EXOC3: variants seen among roughly 807,000 people sequenced by gnomAD.
The protein encoded by EXOC3 is SEC6-like 1.
Under a neutral mutation model 73.7 loss-of-function variants are expected in EXOC3, and 21 were observed. That is an observed-to-expected ratio of 0.29 (90% CI 0.20 to 0.41). The LOEUF is 0.41. Among genes scored for constraint, EXOC3 ranks in the 10% least tolerant of loss-of-function variants. The pLI is 1.00. For synonymous variants in EXOC3, 410 were observed against 389.1 expected, an observed-to-expected ratio of 1.05 and a Z score of -0.63; for missense variants, 842 against 985.1, an observed-to-expected ratio of 0.85 and a Z score of 1.95.
intron 4 of EXOC3, among the ~76,000 whole-genome samples, chr5:456,290 AGTT>A (rs1159805156): frequency 6.6e-6 from 1 of 152,208 alleles, no homozygotes; most frequent in Non-Finnish European, 1.5e-5. Flanking sequence ...CTATGGAAAT[AGTT>A]GTTCTATATT....
Position 467,195 on chromosome 5 carries a change from C to G in EXOC3, c.*297C>G. On this transcript the variant is annotated 3_prime_UTR_variant, in exon 13 of 13. Coordinates refer to ENST00000512944, the MANE Select transcript of EXOC3 (RefSeq NM_007277.5). ...TGGGGCACAGAGGACGTGCACCTCC[C>G]TGCCCTCCTCCTCCCTGGGCCTTCA... is the stretch of plus-strand genomic sequence containing the variant. 1 of 373,490 alleles carries G rather than the reference C, an allele frequency of 2.7e-6. No homozygotes were observed. The highest frequency in any genetic ancestry group is 4.9e-6 in the Non-Finnish European group (1 of 206,174). The allele number at this position is 373,490 out of a possible 1,614,324, so 23.1% of individuals were successfully genotyped here.
chr5:447,502 C>G, intron 2 of EXOC3, 31 bp from the exon 3 acceptor site: 1 of 1,473,736 alleles, frequency 6.8e-7, no homozygotes. Flanking sequence ...CTATCATTGG[C>G]TCTGCTCACC....
chr5:458,155 C>G (rs1737877583), intron 6 of EXOC3, 130 bp downstream of exon 6: 1 of 928,854 alleles, frequency 1.1e-6, no homozygotes. Flanking sequence ...AGAGCCCTGC[C>G]TGGTGCATCT....
At chr5:464,518 CTTG>C (rs910224006) in intron 10 of EXOC3, 106 bp downstream of exon 10, 104 of 1,276,696 alleles carry the variant, frequency 8.1e-5, no homozygotes, top group African/African-American at 5.7e-4. Flanking sequence ...TGAACGTTCA[CTTG>C]TTGTCCTATC....
Position 457,526 on chromosome 5 carries a change from G to A in EXOC3, c.1165-374G>A, listed in dbSNP as rs566853127. 5.9e-4 allele frequency: 136 copies of A among 231,172 alleles called. 1 individual carries two copies. The highest frequency in any genetic ancestry group is 2.9e-3 in the African/African-American group (130 of 44,178). 14.3% of individuals were successfully genotyped at this position (231,172 alleles called of 1,614,324 possible). On this transcript the variant is annotated intron_variant, in intron 5 of 12. Coordinates refer to ENST00000512944, the MANE Select transcript of EXOC3 (RefSeq NM_007277.5). The stretch of plus-strand genomic sequence containing the variant: ...AAGGAGCGCTGTCTTCTCTTGGGAC[G>A]TGAGCTGCTGTGGTTGCTGAGTCTG...
intron 9 of EXOC3, 156 bp downstream of exon 9, chr5:462,463 C>G (rs1446423877): frequency 1.4e-6 from 1 of 738,782 alleles, no homozygotes; most frequent in Non-Finnish European, 2.3e-6. Context: ...AAAGCGCCTC[C>G]GTTTTCGGTG....
chr5:447,841 C>A, intron 3 of EXOC3, 89 bp downstream of exon 3: 1 of 930,142 alleles, frequency 1.1e-6, no homozygotes, highest in Non-Finnish European at 1.6e-6. Context: ...GCTTTGCAGC[C>A]CGCACTGTAG....
chr5:446,720 G>C (rs1018766600), intron 2 of EXOC3, among the ~76,000 whole-genome samples: 2 of 152,306 alleles, frequency 1.3e-5, no homozygotes, highest in African/African-American at 4.8e-5. Context: ...AGCCAGGCAT[G>C]ATGGTTGACG....
In EXOC3 at chr5:443,229, G is replaced by GGGCGGCGGGGGCGGCGGC. The variant is rs1553990996; in HGVS notation, c.-110_-109insGGGCGGCGGCGGCGGCGG. 3.6e-5 allele frequency: 5 copies of GGGCGGCGGGGGCGGCGGC among 138,814 alleles called. No individual in the cohort carries two copies. The highest frequency in any genetic ancestry group is 8.5e-5 in the Non-Finnish European group (5 of 59,068). The allele number at this position is 138,814 out of a possible 1,614,324, so 8.6% of individuals were successfully genotyped here. On this transcript the variant is annotated 5_prime_UTR_variant, in exon 1 of 13. Coordinates refer to ENST00000512944, the MANE Select transcript of EXOC3 (RefSeq NM_007277.5). Reference sequence around the variant, plus strand: ...GCAGCGAAGGCGGAGGGGGCGGCGGGGGCGGCGGCGGCGGCGGCGGCGGCG... The same window carrying GGGCGGCGGGGGCGGCGGC: ...GCAGCGAAGGCGGAGGGGGCGGCGGGGGCGGCGGGGGCGGCGGCGGCGGCGGCGGCGGCGGCGGCGGCG...
At position 447,525 on chromosome 5, in the gene EXOC3, CTCTT is replaced by C. The variant is rs775966667; in HGVS notation, c.145-6_145-3del. 1 of 1,544,190 alleles carries C rather than the reference CTCTT, an allele frequency of 6.5e-7. No homozygotes were observed. The highest frequency in any genetic ancestry group is 1.2e-5 in the South Asian group (1 of 83,570). On this transcript the variant is annotated splice_polypyrimidine_tract_variant and splice_region_variant and intron_variant, in intron 2 of 12. Coordinates refer to ENST00000512944, the MANE Select transcript of EXOC3 (RefSeq NM_007277.5). ...GGCTCTGCTCACCCGTGTGGCGTCT[CTCTT>C]TAGGCCGCCATCCAGTCACAGTTGG...
In EXOC3 at chr5:447,614, C is replaced by G; in HGVS notation, c.226C>G (p.Gln76Glu). 1 of 1,586,618 alleles carries G rather than the reference C, an allele frequency of 6.3e-7. No homozygotes were observed. Among genetic ancestry groups the G allele is most frequent in the East Asian group, 2.3e-5 (1 of 43,162 alleles). The stretch of plus-strand genomic sequence containing the variant: ...CGCCCTGAATGACGTCAAAGACATC[C>G]AGCAGTCGCTGGCAGACGTCAGCAA... ...HNALNDVKDI[Q>E]QSLADVSKDW... is the part of the protein sequence containing the mutation. The change falls in exon 3 of 13, where the codon CAG becomes GAG. Residue 76 changes from glutamine to glutamate, a missense_variant. Gln to Glu is a conservative substitution (Grantham distance 29). Coordinates refer to ENST00000512944, the MANE Select transcript of EXOC3 (RefSeq NM_007277.5).
intron 10 of EXOC3, chr5:464,644 C>G (rs1738083474): frequency 4.1e-6 from 2 of 485,634 alleles, no homozygotes; most frequent in African/African-American, 3.9e-5. Context: ...CCATGGTTCC[C>G]GGAGAGGCCC....
In EXOC3 at chr5:464,425, G is replaced by T; in HGVS notation, c.1776+13G>T. Reference sequence around the variant, plus strand: ...GCCGTATAAGAAGGTAAGAAGGTGGGACCTAGTTCCCTCATCACCTTGACG... The same window carrying T: ...GCCGTATAAGAAGGTAAGAAGGTGGTACCTAGTTCCCTCATCACCTTGACG... On this transcript the variant is annotated intron_variant, in intron 10 of 12. Coordinates refer to ENST00000512944, the MANE Select transcript of EXOC3 (RefSeq NM_007277.5). 6.2e-7 allele frequency: 1 copy of T among 1,612,554 alleles called. No homozygotes were observed. Among genetic ancestry groups the T allele is most frequent in the Non-Finnish European group, 8.5e-7 (1 of 1,179,044 alleles).
At chr5:464,858 G>A (rs1172636383) in intron 10 of EXOC3, 2 of 549,354 alleles carry the variant, frequency 3.6e-6, no homozygotes, top group Non-Finnish European at 6.4e-6. Context: ...GCTCATGCGC[G>A]GCACTGCCTC....
intron 3 of EXOC3, among the ~76,000 whole-genome samples, chr5:448,218 A>T (rs536633516): frequency 6.6e-6 from 1 of 152,354 alleles, no homozygotes; most frequent in Admixed American, 6.5e-5. Flanking sequence ...TGCACAGGCC[A>T]GGGCAGAGGC....
At chr5:454,363 C>A (rs2126578640) in intron 4 of EXOC3, among the ~76,000 whole-genome samples, 1 of 152,348 alleles carries the variant, frequency 6.6e-6, no homozygotes, top group Admixed American at 6.5e-5. Flanking sequence ...TGCTTCCTTG[C>A]AGTGACACCC....
At chr5:453,179 A>G (rs1163554849) in intron 3 of EXOC3, among the ~76,000 whole-genome samples, 191 bp from the exon 4 acceptor site, 1 of 152,228 alleles carries the variant, frequency 6.6e-6, no homozygotes, top group African/African-American at 2.4e-5. Context: ...AGTTAACCAC[A>G]GTTTACCATT....
chr5:463,309 C>T (rs771741321), intron 9 of EXOC3, among the ~76,000 whole-genome samples: 23 of 152,160 alleles, frequency 1.5e-4, no homozygotes, highest in Non-Finnish European at 7.3e-5. Context: ...AAAATATTTA[C>T]ATTTGAAATT....
chr5:465,613 T>A, intron 11 of EXOC3, 105 bp from the exon 12 acceptor site: 2 of 1,413,552 alleles, frequency 1.4e-6, no homozygotes, highest in South Asian at 2.6e-5. Context: ...AGGAGTCAGG[T>A]GAAGAGGGAG....
Sources: gnomAD v4.1 joint callset for allele counts (sites outside exome capture counted in the v4.1 genomes callset) on GRCh38, gnomAD v4.1.1 for gene constraint, MANE v1.5 for transcripts, NCBI Gene and HGNC (gene_info 2026-07-23, HGNC 2026-07-21) for gene names.